FAM83D: variants seen among roughly 807,000 people sequenced by gnomAD.
FAM83D encodes the protein protein FAM83D.
A neutral mutation model predicts 25.4 loss-of-function variants in FAM83D; 26 were observed. The ratio of observed to expected loss-of-function variants is 1.02; its 90% CI spans 0.75 to 1.42. The LOEUF is 1.42. Ranked by LOEUF, FAM83D falls within the 40% of genes most tolerant of loss-of-function variation. FAM83D has a pLI of 0.00. For missense variants in FAM83D, 740 were observed against 758.1 expected (o/e 0.98, Z 0.28); for synonymous variants, 310 against 318.5 (o/e 0.97, Z 0.28).
chr20:38,950,366 G>A (rs987884456), intron 3 of FAM83D, among the ~76,000 whole-genome samples: 5 of 152,208 alleles, frequency 3.3e-5, no homozygotes, highest in African/African-American at 9.6e-5. Context: ...GAGAGAGTAT[G>A]ATAATGAAAG....
intron 1 of FAM83D, 122 bp downstream of exon 1, chr20:38,927,047 C>T: frequency 7.3e-7 from 1 of 1,378,790 alleles, no homozygotes; most frequent in Non-Finnish European, 9.3e-7. Flanking sequence ...GAAGCGCGCG[C>T]GGGCTAGGTG....
At chr20:38,929,038 G>T (rs1267336789) in intron 1 of FAM83D, among the ~76,000 whole-genome samples, 1 of 152,080 alleles carries the variant, frequency 6.6e-6, no homozygotes, top group Non-Finnish European at 1.5e-5. Context: ...TTAGCTGGAC[G>T]TGGTGGTGCG....
intron 1 of FAM83D, among the ~76,000 whole-genome samples, chr20:38,933,317 T>C (rs2085665646): frequency 1.3e-5 from 2 of 152,228 alleles, no homozygotes; most frequent in South Asian, 4.1e-4. Context: ...TGTTTGGGGC[T>C]ATGAAAAAGT....
intron 3 of FAM83D, among the ~76,000 whole-genome samples, chr20:38,950,031 C>T (rs960830087): frequency 3.3e-5 from 5 of 152,094 alleles, no homozygotes; most frequent in Admixed American, 6.6e-5. Flanking sequence ...CTATGTTAGC[C>T]GGGATGGTCT....
intron 1 of FAM83D, among the ~76,000 whole-genome samples, chr20:38,930,201 G>A (rs983577348): frequency 2.7e-5 from 4 of 146,188 alleles, no homozygotes; most frequent in African/African-American, 7.6e-5. Context: ...CTTTCAGGAT[G>A]AAATGAGAAG....
chr20:38,942,785 G>A (rs939622386), intron 2 of FAM83D, among the ~76,000 whole-genome samples: 2 of 152,206 alleles, frequency 1.3e-5, no homozygotes, highest in Admixed American at 6.5e-5. Flanking sequence ...TGTGTTAATT[G>A]TATGATCTGT....
At chr20:38,950,628 G>C (rs958223769) in intron 3 of FAM83D, among the ~76,000 whole-genome samples, 6 of 152,176 alleles carry the variant, frequency 3.9e-5, no homozygotes, top group African/African-American at 1.4e-4. Flanking sequence ...CAGTAGCAAG[G>C]AGCAGGGCAT....
intron 3 of FAM83D, among the ~76,000 whole-genome samples, chr20:38,951,075 A>G (rs573124683): frequency 2.6e-5 from 4 of 152,228 alleles, no homozygotes; most frequent in African/African-American, 9.6e-5. Context: ...TGCCCACTTC[A>G]TCCTCTCAAA....
At chr20:38,948,123 C>T (rs2085737035) in intron 3 of FAM83D, 123 bp downstream of exon 3, 2 of 1,195,734 alleles carry the variant, frequency 1.7e-6, no homozygotes, top group African/African-American at 1.5e-5. Context: ...GATATGCGTG[C>T]ATCTGTGTAT....
At chr20:38,927,047 C>A in intron 1 of FAM83D, 122 bp downstream of exon 1, 1 of 1,378,790 alleles carries the variant, frequency 7.3e-7, no homozygotes, top group Non-Finnish European at 9.3e-7. Flanking sequence ...GAAGCGCGCG[C>A]GGGCTAGGTG....
chr20:38,939,171 C>T (rs561739550), intron 1 of FAM83D, among the ~76,000 whole-genome samples: 6 of 152,250 alleles, frequency 3.9e-5, no homozygotes, highest in South Asian at 4.1e-4. Flanking sequence ...TGGCTTCCTG[C>T]GGGAATGCCT....
chr20:38,936,344 G>T (rs912741933), intron 1 of FAM83D, among the ~76,000 whole-genome samples: 38 of 151,986 alleles, frequency 2.5e-4, no homozygotes, highest in African/African-American at 8.9e-4. Context: ...GAGCTGGAAG[G>T]GTTCCTTGTT....
Position 38,926,644 on chromosome 20 carries a change from A to G in FAM83D, c.202A>G (p.Ile68Val). 6.5e-7 allele frequency: 1 copy of G among 1,537,082 alleles called. No individual in the cohort carries two copies. The highest frequency in any genetic ancestry group is 8.7e-7 in the Non-Finnish European group (1 of 1,147,126). The change falls in exon 1 of 4, where the codon ATT (isoleucine) becomes GTT (valine). Residue 68 changes from isoleucine to valine, a missense_variant. Physicochemically the swap from Ile to Val is conservative, Grantham distance 29. Around this residue, in one of 3 missense-constraint regions of FAM83D, gnomAD observed 333 missense variants for 298.6 expected, o/e 1.12. Coordinates refer to ENST00000619850, the MANE Select transcript of FAM83D (RefSeq NM_030919.3). ...CCTGAACCCCGATGAGGTGCACGCC[A>G]TTCTGCGCGCGGCGGAGAGGCCGGG... ...RFLNPDEVHA[I>V]LRAAERPGEE...
chr20:38,940,770 G>C (rs1306548323), intron 1 of FAM83D, among the ~76,000 whole-genome samples: 1 of 152,196 alleles, frequency 6.6e-6, no homozygotes, highest in Non-Finnish European at 1.5e-5. Context: ...GGTGTGATTA[G>C]AGGCATTGTG....
chr20:38,944,409 A>G (rs2085717150), intron 2 of FAM83D, among the ~76,000 whole-genome samples: 1 of 152,256 alleles, frequency 6.6e-6, no homozygotes, highest in Admixed American at 6.5e-5. Flanking sequence ...AAAGAGCATT[A>G]TCAGCTAGCC....
chr20:38,949,391 C>T (rs1010180894), intron 3 of FAM83D, among the ~76,000 whole-genome samples: 60 of 152,220 alleles, frequency 3.9e-4, no homozygotes, highest in African/African-American at 1.2e-3. Flanking sequence ...GACTCCTGAC[C>T]TCAGGTGATC....
intron 2 of FAM83D, 76 bp downstream of exon 2, chr20:38,942,202 G>A (rs759650084): frequency 5.3e-6 from 8 of 1,509,172 alleles, no homozygotes; most frequent in Non-Finnish European, 7.3e-6. Context: ...AAGCTGGCTG[G>A]TGGCGGTATC....
Position 38,951,732 on chromosome 20 carries a change from C to T in FAM83D, c.970C>T (p.Leu324Phe). 6.2e-7 allele frequency: 1 copy of T among 1,614,194 alleles called. No homozygotes were observed. The highest frequency in any genetic ancestry group is 8.5e-7 in the Non-Finnish European group (1 of 1,180,036). ...LTNRKPQSKE[L>F]TLGNLLRMRL... ...CAACCGAAAACCACAGTCCAAGGAGCTCACCCTGGGCAACCTGCTGCGGAT... is the reference window on the plus strand; with the variant it reads ...CAACCGAAAACCACAGTCCAAGGAGTTCACCCTGGGCAACCTGCTGCGGAT... The change falls in exon 4 of 4, where the codon CTC (leucine) becomes TTC (phenylalanine). Residue 324 changes from leucine to phenylalanine, a missense_variant. By Grantham distance (22) the Leu-to-Phe change is conservative. Transcript: ENST00000619850.
intron 1 of FAM83D, among the ~76,000 whole-genome samples, chr20:38,935,038 A>G (rs1475264730): frequency 6.6e-6 from 1 of 152,200 alleles, no homozygotes. Context: ...TAAAACAAAT[A>G]TGTTTATATA....
Sources: allele counts gnomAD v4.1 joint callset (sites outside exome capture counted in the v4.1 genomes callset), GRCh38; gene constraint gnomAD v4.1.1; regional missense constraint gnomAD v4.1.1; transcripts MANE v1.5; gene names NCBI Gene and HGNC (gene_info 2026-07-23, HGNC 2026-07-21).